The following TENM2 variants were observed in gnomAD, a reference collection of about 807,000 sequenced individuals.
TENM2 encodes teneurin-2.
In TENM2, 52 loss-of-function variants were observed where a neutral mutation model predicts 245.2. The ratio of observed to expected loss-of-function variants is 0.21; its 90% CI spans 0.17 to 0.27. The LOEUF (loss-of-function observed/expected upper bound fraction) is 0.27, where lower values mean the gene tolerates loss of function less well. Among genes scored for constraint, TENM2 ranks in the 10% least tolerant of loss-of-function variants. The pLI, the probability that TENM2 is intolerant of heterozygous loss-of-function variation, is 1.00. For synonymous variants in TENM2, 1,363 were observed against 1,438.9 expected, an observed-to-expected ratio of 0.95 and a Z score of 1.19; for missense variants, 3,046 against 3,666.8, an observed-to-expected ratio of 0.83 and a Z score of 4.37.
At chr5:167,477,107 T>C (rs1767435220) in intron 2 of TENM2, among the ~76,000 whole-genome samples, 1 of 152,208 alleles carries the variant, frequency 6.6e-6, no homozygotes, top group African/African-American at 2.4e-5. Context: ...GTTTCCAAAC[T>C]AAAATGCTTT....
intron 3 of TENM2, among the ~76,000 whole-genome samples, chr5:167,905,267 T>C (rs531434634): frequency 1.8e-4 from 27 of 152,274 alleles, no homozygotes; most frequent in African/African-American, 5.3e-4. Flanking sequence ...TTCAACCTCA[T>C]CGTTTTGTGG....
intron 5 of TENM2, among the ~76,000 whole-genome samples, chr5:168,002,385 C>T (rs1341818250): frequency 2.6e-5 from 4 of 152,236 alleles, no homozygotes; most frequent in Non-Finnish European, 5.9e-5. Context: ...ACTTATATTA[C>T]ACCATGAGCA....
chr5:168,170,820 A>G (rs1368922223), intron 13 of TENM2, among the ~76,000 whole-genome samples: 1 of 152,196 alleles, frequency 6.6e-6, no homozygotes, highest in African/African-American at 2.4e-5. Context: ...TTAATTTTGC[A>G]CCAACCTAAT....
At chr5:167,951,747 T>C (rs32405) in intron 3 of TENM2, among the ~76,000 whole-genome samples, 96,232 of 152,050 alleles carry the variant, frequency 0.63, 32,380 homozygotes, top group Non-Finnish European at 0.75. Flanking sequence ...CTGAGCTGAG[T>C]GGGCTCACAG....
intron 19 of TENM2, among the ~76,000 whole-genome samples, chr5:168,207,378 A>G (rs537392663): frequency 6.6e-6 from 1 of 152,266 alleles, no homozygotes; most frequent in East Asian, 1.9e-4. Context: ...TAAGGGCCCA[A>G]TCAGAACAAG....
chr5:168,233,823 C>T (rs1341370298), intron 25 of TENM2, among the ~76,000 whole-genome samples: 5 of 152,270 alleles, frequency 3.3e-5, no homozygotes, highest in African/African-American at 4.8e-5. Flanking sequence ...TCTTACTTGA[C>T]GGCATCAAGA....
At chr5:167,832,669 G>T (rs1002253665) in intron 2 of TENM2, among the ~76,000 whole-genome samples, 3 of 151,876 alleles carry the variant, frequency 2.0e-5, no homozygotes, top group African/African-American at 7.3e-5. Flanking sequence ...GAAAGAAGAA[G>T]AAAAGTAAAA....
chr5:167,406,351 C>T (rs1753017499), intron 2 of TENM2, among the ~76,000 whole-genome samples: 1 of 152,112 alleles, frequency 6.6e-6, no homozygotes, highest in Non-Finnish European at 1.5e-5. Flanking sequence ...CATGCATATT[C>T]ATAGAATTAA....
At chr5:167,346,387 C>G (rs1265845211) in intron 1 of TENM2, among the ~76,000 whole-genome samples, 1 of 152,178 alleles carries the variant, frequency 6.6e-6, no homozygotes, top group Non-Finnish European at 1.5e-5. Flanking sequence ...AAGTAATGAG[C>G]TACTTTATTT....
intron 10 of TENM2, among the ~76,000 whole-genome samples, chr5:168,120,257 A>T (rs1278177171): frequency 2.0e-5 from 3 of 152,196 alleles, no homozygotes; most frequent in Non-Finnish European, 4.4e-5. Flanking sequence ...TTCCTCTATT[A>T]TAAAAGGTAG....
At chr5:167,133,503 C>T in the TENM2 span, among the ~76,000 whole-genome samples, 80 of 151,598 alleles carry the variant, frequency 5.3e-4, 1 homozygote, top group African/African-American at 1.9e-3. Flanking sequence ...ACTCAAATAC[C>T]TGTGGAGTTA....
At chr5:168,248,841 T>TGTG (rs1766832632) in intron 27 of TENM2, among the ~76,000 whole-genome samples, 1 of 152,214 alleles carries the variant, frequency 6.6e-6, no homozygotes, top group South Asian at 2.1e-4. Context: ...CAGCTGGGCA[T>TGTG]GGTGGCTCAT....
In TENM2 at chr5:167,301,640, G is replaced by A. The variant is rs1049949376; in HGVS notation, c.226+16577G>A. Among the ~76,000 whole-genome samples, 7 of 152,108 alleles carry A rather than the reference G, an allele frequency of 4.6e-5. No homozygotes were observed. The South Asian group carries it at 1.4e-3, about 32-fold the overall frequency. On this transcript the variant is annotated intron_variant, in intron 1 of 28. Transcript: ENST00000518659. Reference sequence around the variant, plus strand: ...ATAAAATGTATATTGAGCATAAGACGGCCTTTTGACCTTTTAGGGTCTAGG... The same window carrying A: ...ATAAAATGTATATTGAGCATAAGACAGCCTTTTGACCTTTTAGGGTCTAGG...
chr5:167,533,810 A>C (rs1454486601), intron 2 of TENM2, among the ~76,000 whole-genome samples: 1 of 152,176 alleles, frequency 6.6e-6, no homozygotes, highest in Non-Finnish European at 1.5e-5. Flanking sequence ...GGGATGCAAC[A>C]GAAATGGAAA....
intron 1 of TENM2, among the ~76,000 whole-genome samples, chr5:167,336,523 A>C (rs529607792): frequency 3.9e-5 from 6 of 152,042 alleles, no homozygotes; most frequent in Non-Finnish European, 8.8e-5. Context: ...AATAAAAATC[A>C]CATGTCAGAA....
At chr5:167,395,182 A>G (rs1302889834) in intron 2 of TENM2, among the ~76,000 whole-genome samples, 4 of 152,066 alleles carry the variant, frequency 2.6e-5, no homozygotes, top group African/African-American at 9.7e-5. Context: ...TAAAAGTTTT[A>G]TAGTTTTCAC....
intron 1 of TENM2, among the ~76,000 whole-genome samples, chr5:167,344,129 A>G (rs1032234437): frequency 6.7e-6 from 1 of 148,996 alleles, no homozygotes; most frequent in East Asian, 1.9e-4. Context: ...TCAGTTATAT[A>G]TATTATATTA....
At chr5:168,148,123 C>T (rs1756274173) in intron 12 of TENM2, among the ~76,000 whole-genome samples, 1 of 152,182 alleles carries the variant, frequency 6.6e-6, no homozygotes, top group Non-Finnish European at 1.5e-5. Context: ...GTGGAAACTG[C>T]AGGTTAGCAG....
chr5:167,749,578 C>G (rs1482881987), intron 2 of TENM2, among the ~76,000 whole-genome samples: 1 of 151,224 alleles, frequency 6.6e-6, no homozygotes, highest in Non-Finnish European at 1.5e-5. Context: ...GCAGAGGTTG[C>G]AGTGAGCCAA....
Sources: allele counts gnomAD v4.1 joint callset (sites outside exome capture counted in the v4.1 genomes callset), GRCh38; gene constraint gnomAD v4.1.1; transcripts MANE v1.5; gene names NCBI Gene and HGNC (gene_info 2026-07-23, HGNC 2026-07-21).